TENM2: variants seen among roughly 807,000 people sequenced by gnomAD.
The protein encoded by TENM2 is teneurin-2.
Under a neutral mutation model 245.2 loss-of-function variants are expected in TENM2, and 52 were observed. The ratio of observed to expected loss-of-function variants is 0.21; its 90% CI spans 0.17 to 0.27. The LOEUF is 0.27. Ranked by LOEUF, TENM2 falls within the 10% of genes least tolerant of loss-of-function variation. The probability of loss-of-function intolerance (pLI) is 1.00; values close to 1 mark genes in which losing one functional copy is unlikely to be tolerated. For synonymous variants in TENM2, 1,363 were observed against 1,438.9 expected (o/e 0.95, Z 1.19); for missense variants, 3,046 against 3,666.8 (o/e 0.83, Z 4.37).
chr5:167,322,598 T>A (rs1756829923), intron 1 of TENM2, among the ~76,000 whole-genome samples: 1 of 151,944 alleles, frequency 6.6e-6, no homozygotes, highest in South Asian at 2.1e-4. Flanking sequence ...ACCTTTTCCC[T>A]CCCCCTTTTT....
chr5:167,918,734 G>T (rs1009788779), intron 3 of TENM2, among the ~76,000 whole-genome samples: 15 of 151,462 alleles, frequency 9.9e-5, no homozygotes, highest in African/African-American at 3.4e-4. Context: ...CTGTTAGGCT[G>T]ACAACCAGAG....
At chr5:168,143,215 AC>A (rs1273919612) in intron 12 of TENM2, among the ~76,000 whole-genome samples, 2 of 150,086 alleles carry the variant, frequency 1.3e-5, no homozygotes, top group African/African-American at 2.5e-5. Flanking sequence ...GGGTAATATC[AC>A]CCCCAACACA....
intron 25 of TENM2, among the ~76,000 whole-genome samples, chr5:168,239,202 T>C (rs1250706975): frequency 6.6e-6 from 1 of 152,156 alleles, no homozygotes; most frequent in East Asian, 1.9e-4. Flanking sequence ...CCTTTATAAA[T>C]GGCACCCTCA....
chr5:168,180,053 C>T (rs1034317547), intron 13 of TENM2, among the ~76,000 whole-genome samples: 2 of 152,174 alleles, frequency 1.3e-5, no homozygotes, highest in African/African-American at 4.8e-5. Flanking sequence ...GTAGTACCGA[C>T]GTGGTTTGTG....
At chr5:167,233,343 C>T in the TENM2 span, among the ~76,000 whole-genome samples, 1 of 151,854 alleles carries the variant, frequency 6.6e-6, no homozygotes, top group African/African-American at 2.4e-5. Flanking sequence ...AGATAGCGGC[C>T]CCCCTTCTTT....
intron 2 of TENM2, among the ~76,000 whole-genome samples, chr5:167,449,870 A>C (rs1765473900): frequency 6.6e-6 from 1 of 152,194 alleles, no homozygotes; most frequent in Admixed American, 6.5e-5. Context: ...AGGCAGGAGA[A>C]TCGCTTGAAC....
chr5:167,145,373 G>A, the TENM2 span, among the ~76,000 whole-genome samples: 1 of 152,064 alleles, frequency 6.6e-6, no homozygotes, highest in Non-Finnish European at 1.5e-5. Context: ...CCCATAAAAC[G>A]AGATGCCACT....
At chr5:167,286,492 T>C (rs1321987951) in intron 1 of TENM2, among the ~76,000 whole-genome samples, 2 of 152,202 alleles carry the variant, frequency 1.3e-5, no homozygotes, top group African/African-American at 2.4e-5. Context: ...CATGGCTTAA[T>C]TAACTGAGAG....
chr5:167,420,609 T>C (rs1212064487), intron 2 of TENM2, among the ~76,000 whole-genome samples: 2 of 152,214 alleles, frequency 1.3e-5, no homozygotes, highest in African/African-American at 4.8e-5. Context: ...GGTATCTTCA[T>C]GTCTAATGTT....
chr5:167,276,502 ATTTGAGTTT>A, the TENM2 span, among the ~76,000 whole-genome samples: 1 of 151,984 alleles, frequency 6.6e-6, no homozygotes, highest in African/African-American at 2.4e-5. Context: ...CATATGAAAT[ATTTGAGTTT>A]TTTGAGTTTT....
chr5:167,218,069 A>G, the TENM2 span, among the ~76,000 whole-genome samples: 1 of 152,162 alleles, frequency 6.6e-6, no homozygotes, highest in African/African-American at 2.4e-5. Context: ...TGTAATGCCA[A>G]CTGTTAATCA....
intron 2 of TENM2, among the ~76,000 whole-genome samples, chr5:167,832,521 C>T (rs573685494): frequency 2.6e-5 from 4 of 152,064 alleles, no homozygotes; most frequent in Non-Finnish European, 5.9e-5. Flanking sequence ...GCAAACTGCA[C>T]GATGTTTATG....
the TENM2 span, among the ~76,000 whole-genome samples, chr5:167,214,327 C>T: frequency 6.6e-6 from 1 of 152,152 alleles, no homozygotes; most frequent in Non-Finnish European, 1.5e-5. Context: ...GTGGTGCTAG[C>T]TGCCTATAAC....
intron 2 of TENM2, among the ~76,000 whole-genome samples, chr5:167,865,861 C>T (rs937616404): frequency 6.6e-6 from 1 of 152,194 alleles, no homozygotes; most frequent in Non-Finnish European, 1.5e-5. Flanking sequence ...AAGACAACAG[C>T]CATAGCAGCC....
At chr5:167,555,766 A>C (rs1773224681) in intron 2 of TENM2, among the ~76,000 whole-genome samples, 1 of 152,134 alleles carries the variant, frequency 6.6e-6, no homozygotes, top group Non-Finnish European at 1.5e-5. Context: ...AGCCAATTTC[A>C]ATCTGACTGT....
chr5:167,507,870 T>A (rs1470005346), intron 2 of TENM2, among the ~76,000 whole-genome samples: 2 of 152,116 alleles, frequency 1.3e-5, no homozygotes, highest in Non-Finnish European at 2.9e-5. Flanking sequence ...CCATAGAGGT[T>A]CTTTCTCTGT....
intron 12 of TENM2, among the ~76,000 whole-genome samples, chr5:168,138,138 T>C (rs1034394395): frequency 2.0e-5 from 3 of 152,212 alleles, no homozygotes; most frequent in Non-Finnish European, 4.4e-5. Flanking sequence ...TGGGGAATTA[T>C]GTAGCAAAAG....
chr5:167,186,232 A>G, the TENM2 span, among the ~76,000 whole-genome samples: 1 of 152,178 alleles, frequency 6.6e-6, no homozygotes, highest in Non-Finnish European at 1.5e-5. Flanking sequence ...AAAACATTTC[A>G]ACAAAGAGAG....
chr5:167,821,091 G>C (rs1048550148), intron 2 of TENM2: 3 of 152,214 alleles, frequency 2.0e-5, no homozygotes, highest in African/African-American at 7.2e-5. Flanking sequence ...TCAGGGACAG[G>C]CTCTGGGCAT....
Sources: allele counts gnomAD v4.1 joint callset (sites outside exome capture counted in the v4.1 genomes callset), GRCh38; gene constraint gnomAD v4.1.1; transcripts MANE v1.5; gene names NCBI Gene and HGNC (gene_info 2026-07-23, HGNC 2026-07-21).